EHMT1: variants seen among roughly 807,000 people sequenced by gnomAD.
EHMT1 encodes the protein euchromatic histone lysine methyltransferase 1.
A neutral mutation model predicts 147.2 loss-of-function variants in EHMT1; 15 were observed. That is an observed-to-expected ratio of 0.10 (90% CI 0.07 to 0.16). The LOEUF is 0.16. Among genes scored for constraint, EHMT1 ranks in the 10% least tolerant of loss-of-function variants. The pLI, the probability that EHMT1 is intolerant of heterozygous loss-of-function variation, is 1.00. For synonymous variants in EHMT1, 795 were observed against 709.6 expected (o/e 1.12, Z -1.91); for missense variants, 1,587 against 1,772.4 (o/e 0.90, Z 1.88).
At chr9:137,773,107 A>G (rs1433799853) in intron 10 of EHMT1, among the ~76,000 whole-genome samples, 1 of 152,244 alleles carries the variant, frequency 6.6e-6, no homozygotes, top group African/African-American at 2.4e-5. Context: ...CATGAATAAG[A>G]AAGTAAAATC....
At position 137,776,536 on chromosome 9, in the gene EHMT1, G is replaced by T; in HGVS notation, c.1792-82G>T. 9 of 1,405,148 alleles carry T rather than the reference G, an allele frequency of 6.4e-6. No individual in the cohort carries two copies. The highest frequency in any genetic ancestry group is 7.9e-6 in the Non-Finnish European group (8 of 1,008,884). The allele number at this position is 1,405,148 out of a possible 1,614,324, so 87.0% of individuals were successfully genotyped here. On this transcript the variant is annotated intron_variant, in intron 11 of 26. Transcript: ENST00000460843. The surrounding 1 kb of genome is among the most constrained non-coding windows in gnomAD (Gnocchi z 4.4). ...CTGCAGACCGCCCGATGTGGGATGCGGTGCCAGTTTAGTAGTACTTTATTT... is the reference window on the plus strand; with the variant it reads ...CTGCAGACCGCCCGATGTGGGATGCTGTGCCAGTTTAGTAGTACTTTATTT...
At position 137,655,766 on chromosome 9, in the gene EHMT1, C is replaced by T. The variant is rs191871048; in HGVS notation, c.21+36717C>T. 8.5e-5 allele frequency among the ~76,000 whole-genome samples: 13 copies of T among 152,188 alleles called. No homozygotes were observed. In the East Asian group the frequency reaches 2.1e-3, roughly 25 times the overall value. ...AACTGCACATGCGAGTGATCTGGGT[C>T]GCGTGCTCCTTATGAGAATCTAGCG... On this transcript the variant is annotated intron_variant, in intron 1 of 26. Transcript: ENST00000460843.
rs748135858 is a variant in EHMT1 at position 137,818,120 on chromosome 9, C to T, written c.3522C>T (p.Leu1174=). ...EADVREEDSY[L]FDLDNKDGEV... ...ACGTTCGAGAGGAAGATTCTTACCT[C>T]TTTGATCTCGACAATAAGGTAATGT... The change falls in exon 25 of 27, where the codon CTC becomes CTT. Residue 1174 remains leucine (L), a synonymous_variant. Coordinates refer to ENST00000460843, the MANE Select transcript of EHMT1 (RefSeq NM_024757.5). 58 of 1,614,072 alleles carry T rather than the reference C, an allele frequency of 3.6e-5. No individual in the cohort carries two copies. Among genetic ancestry groups the T allele is most frequent in the Non-Finnish European group, 4.4e-5 (52 of 1,180,032 alleles).
At chr9:137,830,788 G>GT (rs1956138197) in intron 25 of EHMT1, among the ~76,000 whole-genome samples, 1 of 152,166 alleles carries the variant, frequency 6.6e-6, no homozygotes, top group Middle Eastern at 3.4e-3. Flanking sequence ...TTAATTTTTT[G>GT]TTTTTTGATT....
In EHMT1 at chr9:137,660,754, G is replaced by A. The variant is rs146908412; in HGVS notation, c.21+41705G>A. On this transcript the variant is annotated intron_variant, in intron 1 of 26. Coordinates refer to ENST00000460843, the MANE Select transcript of EHMT1 (RefSeq NM_024757.5). Reference sequence around the variant, plus strand: ...ATGAAATTTTACAATTTTTCCTGTAGAGGTCTTGCCATCTTTTGCAGGTTT... The same window carrying A: ...ATGAAATTTTACAATTTTTCCTGTAAAGGTCTTGCCATCTTTTGCAGGTTT... Among the ~76,000 whole-genome samples the A allele has an allele frequency of 3.3e-5, 5 of 152,140 alleles. No homozygotes were observed. In the South Asian group the frequency reaches 8.3e-4, roughly 25 times the overall value.
chr9:137,782,477 C>T lies in EHMT1; in HGVS notation c.2382+80C>T, dbSNP rs774709385. ...CCAAAGTAAAATCATACCACGTTCG[C>T]GGTTCTTCCAGTGTAAGAGTTCCGT... is the stretch of plus-strand genomic sequence containing the variant. On this transcript the variant is annotated intron_variant, in intron 15 of 26. Transcript: ENST00000460843. The surrounding 1 kb of genome is among the most constrained non-coding windows in gnomAD (Gnocchi z 5.7). The T allele has an allele frequency of 2.1e-5, 29 of 1,360,636 alleles. No individual in the cohort carries two copies. Among genetic ancestry groups the T allele is most frequent in the South Asian group, 1.6e-4 (13 of 79,908 alleles). 84.3% of individuals were successfully genotyped at this position (1,360,636 alleles called of 1,614,324 possible).
rs969396906 is a variant in EHMT1 at position 137,826,642 on chromosome 9, C to T, written c.3541-7707C>T. Among the ~76,000 whole-genome samples, 12 of 152,380 alleles carry T rather than the reference C, an allele frequency of 7.9e-5. No homozygotes were observed. In the South Asian group the frequency reaches 1.7e-3, roughly 21 times the overall value. ...CTCATGGAGGGACCCTGCCTTCTCA[C>T]TGCGTGATAACCAGTGAGACCAAGA... is the stretch of plus-strand genomic sequence containing the variant. On this transcript the variant is annotated intron_variant, in intron 25 of 26. Coordinates refer to ENST00000460843, the MANE Select transcript of EHMT1 (RefSeq NM_024757.5).
At chr9:137,761,936 T>C (rs1949856517) in intron 9 of EHMT1, among the ~76,000 whole-genome samples, 1 of 152,178 alleles carries the variant, frequency 6.6e-6, no homozygotes, top group Non-Finnish European at 1.5e-5. Context: ...GGCGGTGCCC[T>C]CCACCCCCGC....
Position 137,812,251 on chromosome 9 carries a change from T to C in EHMT1, c.2867+636T>C, listed in dbSNP as rs558861770. 2.0e-5 allele frequency among the ~76,000 whole-genome samples: 3 copies of C among 152,278 alleles called. No individual in the cohort carries two copies. The East Asian group carries it at 5.8e-4, about 29-fold the overall frequency. ...TACTCCAGAGGCTGAGGCAGGCGAA[T>C]CGCTTGAACCCAGGAGGCAAGAGAT... On this transcript the variant is annotated intron_variant, in intron 19 of 26. Transcript: ENST00000460843.
At chr9:137,653,822 C>T (rs1938135554) in intron 1 of EHMT1, among the ~76,000 whole-genome samples, 1 of 152,184 alleles carries the variant, frequency 6.6e-6, no homozygotes, top group African/African-American at 2.4e-5. Context: ...CTGCCCCTGG[C>T]CGATTTTCTC....
rs1345864441 is a variant in EHMT1 at position 137,828,905 on chromosome 9, T to C, written c.3541-5444T>C. Among the ~76,000 whole-genome samples the C allele has an allele frequency of 6.6e-6, 1 of 152,110 alleles. No individual in the cohort carries two copies. Among genetic ancestry groups the C allele is most frequent in the Non-Finnish European group, 1.5e-5 (1 of 68,004 alleles). ...TTGCTGCGTGGGGGCTTGTGGAGCC[T>C]GCTAGGAATCCTGGGAAGAGCCCAG... On this transcript the variant is annotated intron_variant, in intron 25 of 26. Transcript: ENST00000460843. The surrounding 1 kb of genome is among the most constrained non-coding windows in gnomAD (Gnocchi z 5.3).
Position 137,835,978 on chromosome 9 carries a change from T to C in EHMT1, c.*1025T>C, listed in dbSNP as rs562175291. 1 of 152,642 alleles carries C rather than the reference T, an allele frequency of 6.6e-6. No individual in the cohort carries two copies. The highest frequency in any genetic ancestry group is 1.5e-5 in the Non-Finnish European group (1 of 68,040). 9.5% of individuals were successfully genotyped at this position (152,642 alleles called of 1,614,324 possible). ...AGTGCAGTAACAGTGGGGTTTTTTTTGTGCAACTCTTCTAAAAACATTCAT... is the reference window on the plus strand; with the variant it reads ...AGTGCAGTAACAGTGGGGTTTTTTTCGTGCAACTCTTCTAAAAACATTCAT... On this transcript the variant is annotated 3_prime_UTR_variant, in exon 27 of 27. Coordinates refer to ENST00000460843, the MANE Select transcript of EHMT1 (RefSeq NM_024757.5).
rs757531969 is a variant in EHMT1, at chr9:137,716,740, C to G, written c.200C>G (p.Ala67Gly). ...SCENSDASSH[A>G]NAAKHTQDSA... ...GAAAACAGCGATGCCAGCAGTCATG[C>G]AAATGCTGCAAAGCACACTCAGGAC... Residue 67 changes from alanine to glycine, a missense_variant, in exon 3 of 27, where the codon GCA becomes GGA. Ala to Gly is a moderately conservative substitution (Grantham distance 60). Around this residue, in one of 7 missense-constraint regions of EHMT1, gnomAD observed 810 missense variants for 673.0 expected, o/e 1.20. Transcript: ENST00000460843. 3.7e-6 allele frequency: 6 copies of G among 1,612,740 alleles called. No homozygotes were observed. Among genetic ancestry groups the G allele is most frequent in the Admixed American group, 1.7e-5 (1 of 59,970 alleles).
chr9:137,650,395 ACCT>A (rs763211221), intron 1 of EHMT1, among the ~76,000 whole-genome samples: 1 of 152,108 alleles, frequency 6.6e-6, no homozygotes, highest in Non-Finnish European at 1.5e-5. Context: ...TTACAGGTGT[ACCT>A]TGCCCAGCTG....
At chr9:137,768,794 C>T (rs913727577) in intron 10 of EHMT1, among the ~76,000 whole-genome samples, 1 of 151,744 alleles carries the variant, frequency 6.6e-6, no homozygotes, top group African/African-American at 2.4e-5. Context: ...TCGTGATCCG[C>T]CCGCCTCGGC....
chr9:137,685,925 C>A (rs897100817), intron 1 of EHMT1, among the ~76,000 whole-genome samples: 2 of 150,742 alleles, frequency 1.3e-5, no homozygotes, highest in African/African-American at 4.9e-5. Context: ...CTTTTTATTG[C>A]GTTGTAAGAT....
chr9:137,681,842 C>G (rs1156569426), intron 1 of EHMT1, among the ~76,000 whole-genome samples: 4 of 152,220 alleles, frequency 2.6e-5, no homozygotes, highest in Non-Finnish European at 5.9e-5. Context: ...TGTGCTCATT[C>G]ATTCCCTGGA....
intron 1 of EHMT1, among the ~76,000 whole-genome samples, chr9:137,699,770 G>A (rs1420861288): frequency 2.0e-5 from 3 of 152,130 alleles, no homozygotes; most frequent in African/African-American, 7.2e-5. Context: ...GATCTCTTGA[G>A]CCCAGGAGTT....
In EHMT1 at chr9:137,800,617, G is replaced by GCCGA. The variant is rs1410711472; in HGVS notation, c.2608-261_2608-258dup. 7.3e-5 allele frequency: 39 copies of GCCGA among 531,254 alleles called. No individual in the cohort carries two copies. The African/African-American group carries it at 7.4e-4, about 10-fold the overall frequency. The allele number at this position is 531,254 out of a possible 1,614,324, so 32.9% of individuals were successfully genotyped here. A position where few individuals can be genotyped will look rare whatever the true frequency, so the allele number is the denominator to read the frequency against. Reference sequence around the variant, plus strand: ...TGGTGCCCAACTGGGAGCGGGCAAGGCCGACAGCACAGGGCATGTCGGGCA... The same window carrying GCCGA: ...TGGTGCCCAACTGGGAGCGGGCAAGGCCGACCGACAGCACAGGGCATGTCGGGCA... On this transcript the variant is annotated intron_variant, in intron 17 of 26. Transcript: ENST00000460843.
Sources: allele counts gnomAD v4.1 joint callset (sites outside exome capture counted in the v4.1 genomes callset), GRCh38; gene constraint gnomAD v4.1.1; regional missense constraint gnomAD v4.1.1; non-coding constraint Gnocchi (gnomAD v3.1); transcripts MANE v1.5; gene names NCBI Gene and HGNC (gene_info 2026-07-23, HGNC 2026-07-21).